SNTG1: variants seen among roughly 807,000 people sequenced by gnomAD.
SNTG1 encodes the protein syntrophin gamma 1, also known as gamma-1-syntrophin.
In SNTG1, 39 loss-of-function variants were observed where a neutral mutation model predicts 74.7. The observed-to-expected ratio is 0.52, with a 90% CI of 0.40 to 0.68. SNTG1 has a LOEUF of 0.68. Among genes scored for constraint, SNTG1 ranks in the 30% least tolerant of loss-of-function variants. The probability of loss-of-function intolerance (pLI) is 0.00; values close to 1 mark genes in which losing one functional copy is unlikely to be tolerated. For missense variants in SNTG1, 685 were observed against 609.5 expected (o/e 1.12, Z -1.30); for synonymous variants, 254 against 217.1 (o/e 1.17, Z -1.49).
chr8:50,172,179 A>G (rs2082830875), intron 1 of SNTG1, among the ~76,000 whole-genome samples: 2 of 152,166 alleles, frequency 1.3e-5, no homozygotes, highest in African/African-American at 4.8e-5. Context: ...ACCATTCCTC[A>G]CAATGAATGC....
intron 13 of SNTG1, among the ~76,000 whole-genome samples, chr8:50,654,929 T>C (rs180899932): frequency 1.3e-3 from 204 of 152,334 alleles, no homozygotes; most frequent in Admixed American, 4.3e-3. Context: ...TGGAAGATTC[T>C]GGACTTTAAC....
chr8:50,404,280 T>C (rs1164692683), intron 4 of SNTG1, among the ~76,000 whole-genome samples: 1 of 152,090 alleles, frequency 6.6e-6, no homozygotes, highest in African/African-American at 2.4e-5. Context: ...TTAAAAGATA[T>C]AAACAAATAA....
intron 13 of SNTG1, among the ~76,000 whole-genome samples, chr8:50,628,653 T>C (rs764303414): frequency 4.7e-4 from 72 of 152,218 alleles, no homozygotes; most frequent in Non-Finnish European, 8.5e-4. Context: ...TAAACTTTTG[T>C]TTCTGCTTCT....
intron 1 of SNTG1, among the ~76,000 whole-genome samples, chr8:49,962,411 T>A (rs1010339013): frequency 2.0e-5 from 3 of 151,534 alleles, no homozygotes; most frequent in South Asian, 2.1e-4. Context: ...CAGACACATG[T>A]AATGGGCAGA....
intron 13 of SNTG1, among the ~76,000 whole-genome samples, chr8:50,612,094 T>A (rs2094854687): frequency 6.6e-6 from 1 of 152,194 alleles, no homozygotes; most frequent in African/African-American, 2.4e-5. Context: ...CAAAAAAATC[T>A]GAAGCACATG....
At chr8:50,263,205 A>G (rs1176686108) in intron 2 of SNTG1, among the ~76,000 whole-genome samples, 1 of 152,170 alleles carries the variant, frequency 6.6e-6, no homozygotes, top group Non-Finnish European at 1.5e-5. Context: ...GTGTGTGGAT[A>G]TGGTACATTT....
chr8:50,460,605 C>T (rs565566748), intron 8 of SNTG1, among the ~76,000 whole-genome samples: 57 of 152,174 alleles, frequency 3.7e-4, no homozygotes, highest in Non-Finnish European at 6.6e-4. Flanking sequence ...TTCTAGGATA[C>T]TTACAGTTCG....
intron 1 of SNTG1, among the ~76,000 whole-genome samples, chr8:50,056,957 C>T (rs1034840453): frequency 1.3e-5 from 2 of 152,116 alleles, no homozygotes; most frequent in Non-Finnish European, 2.9e-5. Context: ...TGTCATCTAC[C>T]CTGTGTTTTG....
chr8:50,140,071 T>C (rs1264907340), intron 1 of SNTG1, among the ~76,000 whole-genome samples: 2 of 152,230 alleles, frequency 1.3e-5, no homozygotes, highest in Non-Finnish European at 2.9e-5. Context: ...TGCAATGTCA[T>C]GAAGATAATA....
intron 9 of SNTG1, among the ~76,000 whole-genome samples, chr8:50,529,709 G>A (rs1050735510): frequency 2.0e-5 from 3 of 152,030 alleles, no homozygotes; most frequent in East Asian, 3.9e-4. Context: ...TGGATACTTG[G>A]ATACTAACAA....
At chr8:50,017,342 G>A (rs574348319) in intron 1 of SNTG1, among the ~76,000 whole-genome samples, 1 of 151,796 alleles carries the variant, frequency 6.6e-6, no homozygotes, top group African/African-American at 2.4e-5. Flanking sequence ...ACAAAAGACA[G>A]GAATGGATGA....
At chr8:50,169,064 A>ATG (rs1359727607) in intron 1 of SNTG1, among the ~76,000 whole-genome samples, 2 of 152,166 alleles carry the variant, frequency 1.3e-5, no homozygotes, top group African/African-American at 4.8e-5. Context: ...ACATTTTTAT[A>ATG]TAGATGAGGA....
intron 1 of SNTG1, among the ~76,000 whole-genome samples, chr8:50,126,883 G>C (rs1297103976): frequency 1.3e-5 from 2 of 152,128 alleles, no homozygotes; most frequent in African/African-American, 2.4e-5. Flanking sequence ...GTGAAGGTGA[G>C]TACCAGGTTC....
intron 13 of SNTG1, among the ~76,000 whole-genome samples, chr8:50,632,654 A>G (rs2095009465): frequency 6.6e-6 from 1 of 152,216 alleles, no homozygotes; most frequent in South Asian, 2.1e-4. Context: ...TATATTTTAT[A>G]TGCTATTACT....
intron 13 of SNTG1, among the ~76,000 whole-genome samples, chr8:50,600,761 A>G (rs752110663): frequency 7.3e-4 from 110 of 150,784 alleles, no homozygotes; most frequent in Non-Finnish European, 1.4e-3. Context: ...TATCTTTTGT[A>G]TTGTTTTATT....
intron 2 of SNTG1, among the ~76,000 whole-genome samples, chr8:50,241,328 C>A (rs2129665261): frequency 6.6e-6 from 1 of 152,168 alleles, no homozygotes; most frequent in East Asian, 1.9e-4. Flanking sequence ...AATGGCTTGC[C>A]ATCAGAGAGA....
intron 4 of SNTG1, among the ~76,000 whole-genome samples, chr8:50,406,537 G>A (rs1474521323): frequency 6.6e-6 from 1 of 151,970 alleles, no homozygotes; most frequent in African/African-American, 2.4e-5. Context: ...TCTTTCTCCT[G>A]CCTTATTACT....
intron 2 of SNTG1, among the ~76,000 whole-genome samples, chr8:50,318,042 T>C (rs955912597): frequency 2.0e-5 from 3 of 152,130 alleles, no homozygotes; most frequent in African/African-American, 7.2e-5. Flanking sequence ...TTCACCATGT[T>C]AGCCAGGAAG....
At chr8:50,544,697 T>A (rs2094373512) in intron 11 of SNTG1, among the ~76,000 whole-genome samples, 1 of 152,000 alleles carries the variant, frequency 6.6e-6, no homozygotes, top group Non-Finnish European at 1.5e-5. Flanking sequence ...ATGACAGCAA[T>A]AAGCATTTAC....
Sources: allele counts gnomAD v4.1 joint callset (sites outside exome capture counted in the v4.1 genomes callset), GRCh38; gene constraint gnomAD v4.1.1; transcripts MANE v1.5; gene names NCBI Gene and HGNC (gene_info 2026-07-23, HGNC 2026-07-21).